The following CHD8 variants were observed in gnomAD, a reference collection of about 807,000 sequenced individuals.
The protein encoded by CHD8 is chromodomain helicase DNA binding protein 8.
Under a neutral mutation model 279.2 loss-of-function variants are expected in CHD8, and 31 were observed. That is an observed-to-expected ratio of 0.11 (90% CI 0.08 to 0.15). The LOEUF is 0.15. Ranked by LOEUF, CHD8 falls within the 10% of genes least tolerant of loss-of-function variation. CHD8 has a pLI of 1.00. For synonymous variants in CHD8, 1,081 were observed against 1,139.6 expected (o/e 0.95, Z 1.04); for missense variants, 2,146 against 3,230.5 (o/e 0.66, Z 8.14).
chr14:21,449,522 A>G (rs769051168), intron 1 of CHD8, among the ~76,000 whole-genome samples: 11 of 152,340 alleles, frequency 7.2e-5, no homozygotes, highest in Non-Finnish European at 1.6e-4. Flanking sequence ...AATAGATGTA[A>G]AAGTTTCACA....
intron 1 of CHD8, chr14:21,436,955 A>G: frequency 5.4e-6 from 7 of 1,285,654 alleles, no homozygotes; most frequent in Non-Finnish European, 6.1e-6. Context: ...GAGGCGGAAG[A>G]TTTCTGGTAA....
intron 1 of CHD8, among the ~76,000 whole-genome samples, chr14:21,441,684 G>C (rs151028724): frequency 0.011 from 1,700 of 151,948 alleles, 16 homozygotes; most frequent in East Asian, 0.044. Context: ...GTCAGGAGAT[G>C]GAGACCATCC....
intron 1 of CHD8, 35 bp from the exon 2 acceptor site, chr14:21,431,893 G>T: frequency 6.8e-7 from 1 of 1,463,556 alleles, no homozygotes; most frequent in Non-Finnish European, 9.6e-7. Context: ...TGAAAAATAG[G>T]CAAAGTTGGC....
At chr14:21,391,168 A>G in intron 36 of CHD8, 105 bp from the exon 37 acceptor site, 1 of 813,742 alleles carries the variant, frequency 1.2e-6, no homozygotes, top group Non-Finnish European at 2.0e-6. Context: ...TATTACATAG[A>G]TAAAGGATTC....
At position 21,431,494 on chromosome 14, in the gene CHD8, G is replaced by C; in HGVS notation, c.150C>G (p.Asn50Lys). Reference sequence around the variant, plus strand: ...CCACATCACCACCTCCACCATCCTGGTTCATCTGATCCAAGGAGTCCAGAG... The same window carrying C: ...CCACATCACCACCTCCACCATCCTGCTTCATCTGATCCAAGGAGTCCAGAG... The part of the protein sequence containing the change: ...PSSLDSLDQM[N>K]QDGGGGDVGN... Residue 50 changes from asparagine (N) to lysine (K), a missense_variant, in exon 2 of 38, where the codon AAC becomes AAG. Coordinates refer to ENST00000646647, the MANE Select transcript of CHD8 (RefSeq NM_001170629.2). 4 of 1,537,182 alleles carry C rather than the reference G, an allele frequency of 2.6e-6. No homozygotes were observed. Among genetic ancestry groups the C allele is most frequent in the Non-Finnish European group, 3.5e-6 (4 of 1,146,890 alleles).
At chr14:21,451,655 T>A (rs923400959) in intron 1 of CHD8, among the ~76,000 whole-genome samples, 1 of 150,906 alleles carries the variant, frequency 6.6e-6, no homozygotes, top group African/African-American at 2.4e-5. Flanking sequence ...ATTTTTATTA[T>A]CCTGTACCAT....
At position 21,403,440 on chromosome 14, in the gene CHD8, ACT is replaced by A. The variant is rs1268759371; in HGVS notation, c.3518+11_3518+12del. 6.3e-7 allele frequency: 1 copy of A among 1,594,602 alleles called. No individual in the cohort carries two copies. Among genetic ancestry groups the A allele is most frequent in the Non-Finnish European group, 8.6e-7 (1 of 1,164,210 alleles). On this transcript the variant is annotated intron_variant, in intron 17 of 37. Transcript: ENST00000646647. This position sits in a 1 kb window ranked among gnomAD's most constrained non-coding sequence, Gnocchi z 4.3. ...GACAGAGTAACCACAGGCTAGGATG[ACT>A]CTTTTCTTACCTCCTCTGGATTAAA...
intron 10 of CHD8, 98 bp from the exon 11 acceptor site, chr14:21,410,086 T>G (rs904798964): frequency 8.2e-7 from 1 of 1,213,030 alleles, no homozygotes; most frequent in Non-Finnish European, 1.1e-6. Flanking sequence ...TCACAAAGTA[T>G]CAGTACCTAG....
rs899559184 is a variant in CHD8 at position 21,408,869 on chromosome 14, A to C, written c.2365-44T>G. The C allele has an allele frequency of 1.9e-6, 3 of 1,577,510 alleles. No homozygotes were observed. The East Asian group carries it at 6.8e-5, about 36-fold the overall frequency. On this transcript the variant is annotated intron_variant, in intron 11 of 37. Coordinates refer to ENST00000646647, the MANE Select transcript of CHD8 (RefSeq NM_001170629.2). This position sits in a 1 kb window ranked among gnomAD's most constrained non-coding sequence, Gnocchi z 4.3. Reference sequence around the variant, plus strand: ...GAATAAATGGAGTGGAGACATTATCAAAAGGTAAGACTTACTAGGTAAGTT... The same window carrying C: ...GAATAAATGGAGTGGAGACATTATCCAAAGGTAAGACTTACTAGGTAAGTT...
In CHD8 at chr14:21,403,433, T is replaced by G; in HGVS notation, c.3518+20A>C. ...TTATGAGGACAGAGTAACCACAGGC[T>G]AGGATGACTCTTTTCTTACCTCCTC... On this transcript the variant is annotated intron_variant, in intron 17 of 37. Coordinates refer to ENST00000646647, the MANE Select transcript of CHD8 (RefSeq NM_001170629.2). This position sits in a 1 kb window ranked among gnomAD's most constrained non-coding sequence, Gnocchi z 4.3. 6.3e-7 allele frequency: 1 copy of G among 1,582,442 alleles called. No homozygotes were observed. Among genetic ancestry groups the G allele is most frequent in the Non-Finnish European group, 8.7e-7 (1 of 1,153,928 alleles).
intron 1 of CHD8, among the ~76,000 whole-genome samples, chr14:21,437,533 C>G (rs1231835634): frequency 6.6e-6 from 1 of 152,024 alleles, no homozygotes; most frequent in African/African-American, 2.4e-5. Flanking sequence ...ATTAAATTCC[C>G]TACCATCTAC....
chr14:21,402,266 ACAAATAGCTT>A lies in CHD8; in HGVS notation c.3882+60_3882+69del. The A allele has an allele frequency of 6.4e-7, 1 of 1,569,362 alleles. No individual in the cohort carries two copies. Among genetic ancestry groups the A allele is most frequent in the Non-Finnish European group, 8.8e-7 (1 of 1,140,924 alleles). On this transcript the variant is annotated intron_variant, in intron 19 of 37. Transcript: ENST00000646647. The surrounding 1 kb of genome is among the most constrained non-coding windows in gnomAD (Gnocchi z 4.5). Reference sequence around the variant, plus strand: ...AAACAAGGTAGTCAAATCCCTGTGTACAAATAGCTTTTGTTTCCCTCTATCACAATGATCT... The same window carrying A: ...AAACAAGGTAGTCAAATCCCTGTGTATTGTTTCCCTCTATCACAATGATCT...
At chr14:21,442,640 G>GGAGGA (rs1890004267) in intron 1 of CHD8, among the ~76,000 whole-genome samples, 1 of 132,632 alleles carries the variant, frequency 7.5e-6, no homozygotes, top group African/African-American at 2.9e-5. Context: ...AAGAGAAAGG[G>GGAGGA]GAGGAGAGGA....
At chr14:21,427,509 G>A (rs975920667) in intron 4 of CHD8, 1 of 1,069,276 alleles carries the variant, frequency 9.4e-7, no homozygotes, top group Middle Eastern at 4.8e-4. Context: ...AGGAGCACTC[G>A]AGCTTACTCT....
In CHD8 at chr14:21,394,149, T is replaced by G. The variant is rs1167347627; in HGVS notation, c.5646A>C (p.Arg1882Ser). The G allele has an allele frequency of 6.2e-7, 1 of 1,609,304 alleles. No individual in the cohort carries two copies. The highest frequency in any genetic ancestry group is 2.2e-5 in the East Asian group (1 of 44,780). ...NLFIEPITEE[R>S]ASRTLYRIEL... ...CTATACGGTAGAGAGTCCGTGAGGCTCTCTCCTCAGTGATGGGCTCAATGA... is the reference window on the plus strand; with the variant it reads ...CTATACGGTAGAGAGTCCGTGAGGCGCTCTCCTCAGTGATGGGCTCAATGA... The change falls in exon 32 of 38, where the codon AGA (arginine) becomes AGC (serine). Residue 1882 changes from arginine (R) to serine (S), a missense_variant. By Grantham distance (110) the Arg-to-Ser change is moderately radical (BLOSUM62 -1). Transcript: ENST00000646647.
At chr14:21,445,910 G>T (rs189328550) in intron 1 of CHD8, among the ~76,000 whole-genome samples, 174 of 152,210 alleles carry the variant, frequency 1.1e-3, no homozygotes, top group Middle Eastern at 3.4e-3. Flanking sequence ...TGAGGCAGGA[G>T]AATCAGTTGA....
Position 21,393,952 on chromosome 14 carries a change from T to C in CHD8, c.5843A>G (p.Asn1948Ser). The change falls in exon 32 of 38, where the codon AAC becomes AGC. Residue 1948 changes from asparagine to serine, a missense_variant. Asn to Ser is a conservative substitution (Grantham distance 46, BLOSUM62 1). Around this residue, in one of 26 missense-constraint regions of CHD8, gnomAD observed 513 missense variants for 637.6 expected, o/e 0.80. Transcript: ENST00000646647. ...ARHGVSQTDCNIMQDPDFSFL... is the reference protein window; with the variant it reads ...ARHGVSQTDCSIMQDPDFSFL... ...AGAGAAGTCTGGGTCCTGCATGATG[T>C]TGCAGTCTGTTTGGCTCACCCCATG... is the stretch of plus-strand genomic sequence containing the variant. The C allele has an allele frequency of 1.9e-6, 3 of 1,614,012 alleles. No homozygotes were observed. The highest frequency in any genetic ancestry group is 2.5e-6 in the Non-Finnish European group (3 of 1,179,896).
At position 21,429,143 on chromosome 14, in the gene CHD8, G is replaced by T; in HGVS notation, c.1036C>A (p.Gln346Lys). The T allele has an allele frequency of 6.2e-7, 1 of 1,614,012 alleles. No individual in the cohort carries two copies. The highest frequency in any genetic ancestry group is 8.5e-7 in the Non-Finnish European group (1 of 1,179,886). The change falls in exon 3 of 38, where the codon CAG becomes AAG. Residue 346 changes from glutamine to lysine, a missense_variant. Physicochemically the swap from Gln to Lys is moderately conservative, Grantham distance 53 (BLOSUM62 1). This residue lies in a region of CHD8 where 170 missense variants were observed against 189.9 expected (regional missense o/e 0.90). Coordinates refer to ENST00000646647, the MANE Select transcript of CHD8 (RefSeq NM_001170629.2). ...ACAATCTGGATTTTTTGCTGTGGCT[G>T]CTGCACCTGCAGCTGGATAGTTACT... ...KVVTIQLQVQQPQQKIQIVPQ... is the reference protein window; with the variant it reads ...KVVTIQLQVQKPQQKIQIVPQ...
intron 37 of CHD8, among the ~76,000 whole-genome samples, chr14:21,389,755 A>G (rs1887443511): frequency 6.6e-6 from 1 of 152,240 alleles, no homozygotes; most frequent in African/African-American, 2.4e-5. Flanking sequence ...TCCATCATAA[A>G]AGTATAAGTA....
Sources: gnomAD v4.1 joint callset for allele counts (sites outside exome capture counted in the v4.1 genomes callset) on GRCh38, gnomAD v4.1.1 for gene constraint, gnomAD v4.1.1 regional missense constraint, Gnocchi (gnomAD v3.1) non-coding constraint, MANE v1.5 for transcripts, NCBI Gene and HGNC (gene_info 2026-07-23, HGNC 2026-07-21) for gene names.